Variants in KLRG1 observed in about 807,000 individuals in gnomAD.
The protein encoded by KLRG1 is killer cell lectin like receptor G1, also known as killer cell lectin-like receptor subfamily G member 1.
A neutral mutation model predicts 21.8 loss-of-function variants in KLRG1; 16 were observed. The ratio of observed to expected loss-of-function variants is 0.73; its 90% confidence interval spans 0.50 to 1.11. The LOEUF is 1.11. Among genes scored for constraint, KLRG1 ranks in the 50% most tolerant of loss-of-function variants. The pLI is 0.00. For missense variants in KLRG1, 173 were observed against 218.3 expected, an observed-to-expected ratio of 0.79 and a Z score of 1.31; for synonymous variants, 69 against 75.9, an observed-to-expected ratio of 0.91 and a Z score of 0.47.
the KLRG1 span, chr12:9,167,166 T>C: frequency 6.6e-6 from 1 of 152,234 alleles, no homozygotes; most frequent in African/African-American, 2.4e-5. Context: ...ATCTTAAATA[T>C]TGAAATATCT....
chr12:9,151,648 G>A, the KLRG1 span: 54 of 1,613,576 alleles, frequency 3.3e-5, no homozygotes, highest in African/African-American at 9.3e-5. Flanking sequence ...ACTTCTGTCC[G>A]GCTCACAGAG....
chr12:8,998,401 C>T (rs1947201062), intron 3 of KLRG1, among the ~76,000 whole-genome samples: 1 of 151,940 alleles, frequency 6.6e-6, no homozygotes, highest in South Asian at 2.1e-4. Flanking sequence ...ATTTTAAATT[C>T]TACTCCAGTG....
chr12:9,079,968 A>T, the KLRG1 span: 5 of 952,218 alleles, frequency 5.3e-6, no homozygotes, highest in Non-Finnish European at 6.0e-6. Context: ...GCAATAAACA[A>T]GCCCAAAGAA....
the KLRG1 span, among the ~76,000 whole-genome samples, chr12:9,206,616 C>T: frequency 1.3e-5 from 2 of 152,102 alleles, no homozygotes; most frequent in Non-Finnish European, 2.9e-5. Flanking sequence ...AGCTTACTGC[C>T]CCAAGGCAGG....
the KLRG1 span, chr12:9,094,972 C>A: frequency 6.7e-7 from 1 of 1,494,880 alleles, no homozygotes; most frequent in African/African-American, 1.4e-5. Context: ...TTTTTGTTTA[C>A]CATAAAAACC....
At chr12:9,208,149 G>A in the KLRG1 span, 2 of 708,428 alleles carry the variant, frequency 2.8e-6, no homozygotes, top group Non-Finnish European at 5.0e-6. Context: ...CTTATATTTG[G>A]AAGGTATTGT....
At chr12:9,025,751 A>G in the KLRG1 span, among the ~76,000 whole-genome samples, 4 of 152,238 alleles carry the variant, frequency 2.6e-5, no homozygotes, top group Admixed American at 6.5e-5. Context: ...CCTTGGGTAG[A>G]AAGAGTGCCC....
At chr12:9,050,162 G>A in the KLRG1 span, among the ~76,000 whole-genome samples, 1 of 152,142 alleles carries the variant, frequency 6.6e-6, no homozygotes, top group African/African-American at 2.4e-5. Context: ...GTGTCACATT[G>A]GTGCAAAGCA....
chr12:9,196,356 T>G, the KLRG1 span: 7 of 1,612,570 alleles, frequency 4.3e-6, no homozygotes, highest in South Asian at 6.6e-5. Context: ...ATTCCTTGTC[T>G]AAAGTGTGAA....
At chr12:9,112,268 T>C in the KLRG1 span, 2 of 1,609,188 alleles carry the variant, frequency 1.2e-6, no homozygotes, top group Admixed American at 3.3e-5. Context: ...TGTAGGCTGG[T>C]AAGACAAGCT....
intron 1 of KLRG1, among the ~76,000 whole-genome samples, chr12:8,981,455 A>G (rs965081678): frequency 3.3e-5 from 5 of 151,818 alleles, no homozygotes; most frequent in African/African-American, 9.7e-5. Flanking sequence ...TTCTATTTTC[A>G]TAATCATTTA....
the KLRG1 span, chr12:9,077,332 G>A: frequency 6.2e-7 from 1 of 1,608,244 alleles, no homozygotes; most frequent in Non-Finnish European, 8.5e-7. Context: ...GCAGAGGAAT[G>A]GGGTGGTACC....
At chr12:8,979,991 C>G (rs1946728659) in intron 1 of KLRG1, among the ~76,000 whole-genome samples, 1 of 152,134 alleles carries the variant, frequency 6.6e-6, no homozygotes, top group Non-Finnish European at 1.5e-5. Context: ...ACCTCTGCCT[C>G]CCAGGTTTAA....
At chr12:8,982,086 C>G (rs1946763564) in intron 1 of KLRG1, among the ~76,000 whole-genome samples, 1 of 152,110 alleles carries the variant, frequency 6.6e-6, no homozygotes, top group Non-Finnish European at 1.5e-5. Context: ...ACCCTAATCC[C>G]TTCAGCCTAT....
chr12:8,964,052 C>G (rs2137227952), intron 1 of KLRG1, among the ~76,000 whole-genome samples: 1 of 152,182 alleles, frequency 6.6e-6, no homozygotes, highest in South Asian at 2.1e-4. Context: ...CTGCTCTGAT[C>G]TTAGTTATTT....
At chr12:9,079,809 A>G in the KLRG1 span, 17 of 1,605,962 alleles carry the variant, frequency 1.1e-5, no homozygotes, top group African/African-American at 2.0e-4. Flanking sequence ...AGAGCCTAAT[A>G]TGTCTCCTAG....
the KLRG1 span, among the ~76,000 whole-genome samples, chr12:9,032,029 C>A: frequency 6.6e-6 from 1 of 152,140 alleles, no homozygotes; most frequent in Non-Finnish European, 1.5e-5. Context: ...GTGGAAACAC[C>A]TGAACAGACA....
At chr12:9,178,866 A>G in the KLRG1 span, among the ~76,000 whole-genome samples, 1 of 152,186 alleles carries the variant, frequency 6.6e-6, no homozygotes, top group Non-Finnish European at 1.5e-5. Flanking sequence ...GTTAATTTTG[A>G]TAATTAAAAA....
chr12:9,170,909 G>A, the KLRG1 span, among the ~76,000 whole-genome samples: 9 of 152,262 alleles, frequency 5.9e-5, no homozygotes, highest in East Asian at 1.5e-3. This position sits in a 1 kb window ranked among gnomAD's most constrained non-coding sequence, Gnocchi z 4.6. Flanking sequence ...GGTTGACTCT[G>A]CCACTCCAAC....
Sources: gnomAD v4.1 joint callset for allele counts (sites outside exome capture counted in the v4.1 genomes callset) on GRCh38, gnomAD v4.1.1 for gene constraint, Gnocchi (gnomAD v3.1) non-coding constraint, MANE v1.5 for transcripts, NCBI Gene and HGNC (gene_info 2026-07-23, HGNC 2026-07-21) for gene names.